The following NCAM1 variants were observed in gnomAD, a reference collection of about 807,000 sequenced individuals.
NCAM1 encodes neural cell adhesion molecule 1.
Under a neutral mutation model 109.8 loss-of-function variants are expected in NCAM1, and 14 were observed. That is an observed-to-expected ratio of 0.13 (90% confidence interval 0.08 to 0.20). NCAM1 has a LOEUF of 0.20. NCAM1 is among the 10% of genes least tolerant of loss of function. NCAM1 has a pLI of 1.00. For synonymous variants in NCAM1, 418 were observed against 442.9 expected, an observed-to-expected ratio of 0.94 and a Z score of 0.70; for missense variants, 774 against 1,109.9, an observed-to-expected ratio of 0.70 and a Z score of 4.30.
chr11:112,988,031 T>C (rs1167560030), intron 1 of NCAM1, among the ~76,000 whole-genome samples: 3 of 152,162 alleles, frequency 2.0e-5, no homozygotes, highest in African/African-American at 7.2e-5. Flanking sequence ...GATTTTTTTC[T>C]CTTTATCTTT....
intron 1 of NCAM1, among the ~76,000 whole-genome samples, chr11:113,112,898 G>A (rs782738065): frequency 3.9e-5 from 6 of 152,096 alleles, no homozygotes; most frequent in East Asian, 1.9e-4. Flanking sequence ...TTGGGAGGCC[G>A]AGACAAGTGG....
At chr11:113,158,408 A>C (rs1942489181) in intron 1 of NCAM1, among the ~76,000 whole-genome samples, 1 of 152,226 alleles carries the variant, frequency 6.6e-6, no homozygotes, top group Non-Finnish European at 1.5e-5. Context: ...CTCACTACTC[A>C]GTTGCATGAA....
intron 7 of NCAM1, among the ~76,000 whole-genome samples, chr11:113,214,028 C>T (rs1011552132): frequency 1.4e-4 from 21 of 152,198 alleles, no homozygotes; most frequent in African/African-American, 4.6e-4. Context: ...CCATCTCCAC[C>T]CTAGAGTTCC....
chr11:113,260,136 C>G lies in NCAM1; in HGVS notation c.1954-10C>G. The stretch of plus-strand genomic sequence containing the variant: ...TCTCTTGTATCCTTCTTGCCGGTTT[C>G]TCCCAGAAGCTCTCCTCCGAGTGGA... On this transcript the variant is annotated splice_polypyrimidine_tract_variant and intron_variant, in intron 16 of 19. Transcript: ENST00000316851. The G allele has an allele frequency of 1.2e-6, 2 of 1,604,170 alleles. No homozygotes were observed. Among genetic ancestry groups the G allele is most frequent in the South Asian group, 2.2e-5 (2 of 89,110 alleles).
At position 113,204,479 on chromosome 11, in the gene NCAM1, G is replaced by A; in HGVS notation, c.321G>A (p.Glu107=). Reference sequence around the variant, plus strand: ...CAGGCGAGGATGGCAGTGAGTCAGAGGCCACCGTCAACGTGAAGATCTTTC... The same window carrying A: ...CAGGCGAGGATGGCAGTGAGTCAGAAGCCACCGTCAACGTGAAGATCTTTC... The part of the protein sequence containing the change: ...VVTGEDGSES[E]ATVNVKIFQK... Residue 107 remains glutamate, a synonymous_variant, in exon 3 of 20, where the codon GAG becomes GAA. Coordinates refer to ENST00000316851, the MANE Select transcript of NCAM1 (RefSeq NM_181351.5). 4 of 1,613,952 alleles carry A rather than the reference G, an allele frequency of 2.5e-6. No homozygotes were observed. Among genetic ancestry groups the A allele is most frequent in the South Asian group, 1.1e-5 (1 of 91,072 alleles).
In NCAM1 at chr11:113,076,965, T is replaced by C. The variant is rs192262439; in HGVS notation, c.52+115301T>C. Among the ~76,000 whole-genome samples the C allele has an allele frequency of 1.1e-4, 16 of 152,342 alleles. No individual in the cohort carries two copies. The East Asian group carries it at 1.7e-3, about 17-fold the overall frequency. On this transcript the variant is annotated intron_variant, in intron 1 of 19. Transcript: ENST00000316851. ...TTGATTGTGAATATGACTACTCAAG[T>C]ATCTGACCTAAAAATATTTTAATAC...
At chr11:112,979,103 G>C (rs1338970060) in intron 1 of NCAM1, among the ~76,000 whole-genome samples, 2 of 151,318 alleles carry the variant, frequency 1.3e-5, no homozygotes, top group African/African-American at 4.8e-5. Flanking sequence ...GTTTAATTTG[G>C]GCTTATGTAG....
At chr11:113,096,620 A>G (rs1397372555) in intron 1 of NCAM1, among the ~76,000 whole-genome samples, 3 of 152,110 alleles carry the variant, frequency 2.0e-5, no homozygotes, top group Admixed American at 2.0e-4. Context: ...TGGCTATTGG[A>G]CAAGATCAGG....
chr11:112,975,590 G>A (rs1485227255), intron 1 of NCAM1, among the ~76,000 whole-genome samples: 6 of 151,960 alleles, frequency 3.9e-5, no homozygotes, highest in African/African-American at 1.2e-4. Context: ...TACTCATCAC[G>A]TTTAAAATTT....
At chr11:113,215,903 G>T (rs548305907) in intron 8 of NCAM1, among the ~76,000 whole-genome samples, 3 of 152,324 alleles carry the variant, frequency 2.0e-5, no homozygotes, top group African/African-American at 4.8e-5. Context: ...CCACAAGGCT[G>T]CTGCTTGGCA....
At chr11:113,124,729 C>A (rs1941108703) in intron 1 of NCAM1, among the ~76,000 whole-genome samples, 1 of 152,148 alleles carries the variant, frequency 6.6e-6, no homozygotes, top group African/African-American at 2.4e-5. Context: ...AAAAAGAATT[C>A]CCATTTTTCC....
In NCAM1 at chr11:113,047,271, C is replaced by T. The variant is rs1274818953; in HGVS notation, c.52+85607C>T. On this transcript the variant is annotated intron_variant, in intron 1 of 19. Transcript: ENST00000316851. ...GTATTTATTGACTTGAGGAAATTCT[C>T]ATCCTCCATGTAATAAAATCATGAT... 3.9e-5 allele frequency among the ~76,000 whole-genome samples: 6 copies of T among 152,272 alleles called. No individual in the cohort carries two copies. The South Asian group carries it at 1.0e-3, about 26-fold the overall frequency.
intron 17 of NCAM1, chr11:113,264,073 G>T: frequency 1.0e-6 from 1 of 985,278 alleles, no homozygotes; most frequent in African/African-American, 1.7e-5. Flanking sequence ...GGAGACTCAG[G>T]GCTGAATCCT....
At chr11:113,009,020 A>G (rs1951962985) in intron 1 of NCAM1, among the ~76,000 whole-genome samples, 1 of 152,178 alleles carries the variant, frequency 6.6e-6, no homozygotes, top group South Asian at 2.1e-4. Context: ...TCACAGCGGG[A>G]GAGTGCAATA....
At chr11:112,985,650 A>G (rs1555069502) in intron 1 of NCAM1, among the ~76,000 whole-genome samples, 1 of 151,730 alleles carries the variant, frequency 6.6e-6, no homozygotes, top group African/African-American at 2.4e-5. Flanking sequence ...AGTCCTAAGT[A>G]TTTTATAATT....
chr11:113,132,157 C>T (rs1941415183), intron 1 of NCAM1, among the ~76,000 whole-genome samples: 2 of 152,128 alleles, frequency 1.3e-5, no homozygotes, highest in South Asian at 2.1e-4. Flanking sequence ...TGCTGGGCTT[C>T]GGTAAGGCCC....
chr11:113,236,650 A>C (rs1945176725), intron 14 of NCAM1, among the ~76,000 whole-genome samples: 3 of 152,228 alleles, frequency 2.0e-5, no homozygotes, highest in Admixed American at 2.0e-4. Flanking sequence ...TGGGCCCTGA[A>C]TAACACGCTA....
chr11:113,030,167 G>A (rs564921532), intron 1 of NCAM1, among the ~76,000 whole-genome samples: 6 of 152,256 alleles, frequency 3.9e-5, no homozygotes, highest in South Asian at 2.1e-4. Flanking sequence ...GTCTAATACC[G>A]TTGCTGTGAT....
chr11:112,964,091 T>A (rs935153209), intron 1 of NCAM1, among the ~76,000 whole-genome samples: 23 of 148,660 alleles, frequency 1.5e-4, no homozygotes, highest in Non-Finnish European at 2.8e-4. Flanking sequence ...AATGAAAACA[T>A]AACAACAAGT....
Sources: allele counts gnomAD v4.1 joint callset (sites outside exome capture counted in the v4.1 genomes callset), GRCh38; gene constraint gnomAD v4.1.1; transcripts MANE v1.5; gene names NCBI Gene and HGNC (gene_info 2026-07-23, HGNC 2026-07-21).